The following ZSWIM7 variants were observed in gnomAD, a reference collection of about 807,000 sequenced individuals.
The protein encoded by ZSWIM7 is zinc finger SWIM domain-containing protein 7.
Under a neutral mutation model 21.1 loss-of-function variants are expected in ZSWIM7, and 22 were observed. The observed-to-expected ratio is 1.04, with a 90% confidence interval of 0.74 to 1.49. ZSWIM7 has a LOEUF of 1.49. Among genes scored for constraint, ZSWIM7 ranks in the 40% most tolerant of loss-of-function variants. The probability of loss-of-function intolerance (pLI) is 0.00; values close to 1 mark genes in which losing one functional copy is unlikely to be tolerated. For synonymous variants in ZSWIM7, 67 were observed against 66.5 expected, an observed-to-expected ratio of 1.01 and a Z score of -0.04; for missense variants, 193 against 168.0, an observed-to-expected ratio of 1.15 and a Z score of -0.82.
At chr17:15,997,792 T>A (rs1970575956) in intron 1 of ZSWIM7, among the ~76,000 whole-genome samples, 1 of 152,152 alleles carries the variant, frequency 6.6e-6, no homozygotes, top group South Asian at 2.1e-4. Context: ...CTTGTGAACC[T>A]TCTTGTTGGA....
rs1319320676 is a variant in ZSWIM7 at position 15,976,926 on chromosome 17, G to A, written c.*1121C>T. ...AAATTGATTTCATTTTCATCTTCAC[G>A]TATTATTGCTTCTTTGCTCTCTCGG... On this transcript the variant is annotated 3_prime_UTR_variant, in exon 5 of 5. Transcript: ENST00000399277. 3 of 151,738 alleles carry A rather than the reference G, an allele frequency of 2.0e-5. No individual in the cohort carries two copies. The highest frequency in any genetic ancestry group is 1.9e-4 in the East Asian group (1 of 5,162). 9.4% of individuals were successfully genotyped at this position (151,738 alleles called of 1,614,324 possible).
chr17:15,996,945 G>A (rs1273039693), intron 1 of ZSWIM7, among the ~76,000 whole-genome samples: 1 of 151,954 alleles, frequency 6.6e-6, no homozygotes, highest in South Asian at 2.1e-4. Flanking sequence ...GACCTCTTGA[G>A]CTCCAGACTT....
Position 15,981,087 on chromosome 17 carries a change from A to G in ZSWIM7, c.259T>C (p.Cys87Arg), listed in dbSNP as rs1970349549. The stretch of plus-strand genomic sequence containing the variant: ...AGCACTGAGAATGCAAATGCAGGAC[A>G]TGAACAGTAATGACAAGAAGCCAAA... The part of the protein sequence containing the change: ...TCLASCHYCS[C>R]PAFAFSVLRK... Residue 87 changes from cysteine (C) to arginine (R), a missense_variant, in exon 4 of 5, where the codon TGT (cysteine) becomes CGT (arginine). Transcript: ENST00000399277. The G allele has an allele frequency of 1.2e-6, 2 of 1,614,002 alleles. No homozygotes were observed. Among genetic ancestry groups the G allele is most frequent in the South Asian group, 1.1e-5 (1 of 91,078 alleles).
At chr17:15,978,256 G>A (rs1970303714) in intron 4 of ZSWIM7, 93 bp from the exon 5 acceptor site, 1 of 866,268 alleles carries the variant, frequency 1.2e-6, no homozygotes, top group Non-Finnish European at 1.9e-6. Context: ...TATTTGGCAG[G>A]AGAAGACTAG....
In ZSWIM7 at chr17:15,999,673, T is replaced by C; in HGVS notation, c.-79A>G. ...GACTGCGCCTACCTGTGGAGGATCCTGACCCCCCGCCGGGGCAGGGCGAGA... is the reference window on the plus strand; with the variant it reads ...GACTGCGCCTACCTGTGGAGGATCCCGACCCCCCGCCGGGGCAGGGCGAGA... On this transcript the variant is annotated 5_prime_UTR_variant, in exon 1 of 5. Transcript: ENST00000399277. The C allele has an allele frequency of 1.9e-6, 3 of 1,560,596 alleles. No individual in the cohort carries two copies. Among genetic ancestry groups the C allele is most frequent in the Non-Finnish European group, 2.6e-6 (3 of 1,153,356 alleles).
At chr17:15,999,310 T>G in intron 1 of ZSWIM7, 1 of 696,284 alleles carries the variant, frequency 1.4e-6, no homozygotes. Context: ...CCGTAAATAT[T>G]TGCTGAATCG....
At chr17:15,986,909 A>G (rs1014914313) in intron 3 of ZSWIM7, 5 of 154,956 alleles carry the variant, frequency 3.2e-5, no homozygotes, top group Non-Finnish European at 7.1e-5. Flanking sequence ...AAACCAAGAA[A>G]AAGACTGAAG....
At position 15,987,294 on chromosome 17, in the gene ZSWIM7, G is replaced by C. The variant is rs1970424535; in HGVS notation, c.173C>G (p.Ser58Ter). 1.2e-6 allele frequency: 2 copies of C among 1,613,276 alleles called. No homozygotes were observed. Reference protein sequence around the residue: ...LVDRQSITLISSPSGRRVYQV... With the variant: ...LVDRQSITLI Reference sequence around the variant, plus strand: ...GTAAACACGCCTTCCACTGGGTGATGAGATTAAGGTGATGGACTGTCGATC... The same window carrying C: ...GTAAACACGCCTTCCACTGGGTGATCAGATTAAGGTGATGGACTGTCGATC... The change falls in exon 3 of 5, where the codon TCA becomes TGA. Residue 58 changes from serine to a stop codon, truncating the protein, a stop_gained. Transcript: ENST00000399277. LOFTEE classifies it high-confidence loss of function.
chr17:15,990,864 C>T (rs1438979936), intron 2 of ZSWIM7: 1 of 152,060 alleles, frequency 6.6e-6, no homozygotes, highest in African/African-American at 2.4e-5. Flanking sequence ...TCAACAGTTA[C>T]CTTTAAGAAT....
Position 15,999,518 on chromosome 17 carries a change from C to A in ZSWIM7, c.76+1G>T. 6.3e-7 allele frequency: 1 copy of A among 1,599,962 alleles called. No homozygotes were observed. On this transcript the variant is annotated splice_donor_variant, in intron 1 of 4. Transcript: ENST00000399277. LOFTEE classifies it high-confidence loss of function. ...AGCCACACACGACCTCGGTCCCGTACTTCGCGCGCTCTCCTGCACCGCCGC... is the reference window on the plus strand; with the variant it reads ...AGCCACACACGACCTCGGTCCCGTAATTCGCGCGCTCTCCTGCACCGCCGC...
In ZSWIM7 at chr17:15,979,567, G is replaced by A. The variant is rs1406832384; in HGVS notation, c.307-1404C>T. On this transcript the variant is annotated intron_variant, in intron 4 of 4. Transcript: ENST00000399277. ...TCCTCACTTCCCAGTAGGGGTGGCC[G>A]GGCAGAGGCGCCCCTCACCTCCCGG... Among the ~76,000 whole-genome samples, 276 of 150,728 alleles carry A rather than the reference G, an allele frequency of 1.8e-3. 1 individual carries two copies. Among genetic ancestry groups the A allele is most frequent in the South Asian group, 2.1e-3 (10 of 4,760 alleles).
intron 3 of ZSWIM7, among the ~76,000 whole-genome samples, chr17:15,985,565 A>G (rs1970399722): frequency 6.6e-6 from 1 of 152,184 alleles, no homozygotes; most frequent in South Asian, 2.1e-4. Context: ...TTGAGGGTGT[A>G]TAAGATTTCT....
Position 15,999,647 on chromosome 17 carries a change from T to TGTGTGTA in ZSWIM7, c.-54_-53insTACACAC. On this transcript the variant is annotated 5_prime_UTR_variant, in exon 1 of 5. Coordinates refer to ENST00000399277, the MANE Select transcript of ZSWIM7 (RefSeq NM_001042697.2). Reference sequence around the variant, plus strand: ...CGGCGGACCGCCGCGACGCTCCAGCTGACTGCGCCTACCTGTGGAGGATCC... The same window carrying TGTGTGTA: ...CGGCGGACCGCCGCGACGCTCCAGCTGTGTGTAGACTGCGCCTACCTGTGGAGGATCC... 1 of 1,565,484 alleles carries TGTGTGTA rather than the reference T, an allele frequency of 6.4e-7. No homozygotes were observed. The highest frequency in any genetic ancestry group is 8.6e-7 in the Non-Finnish European group (1 of 1,156,250).
intron 2 of ZSWIM7, among the ~76,000 whole-genome samples, chr17:15,990,188 C>T (rs1461703256): frequency 2.8e-5 from 4 of 140,756 alleles, no homozygotes; most frequent in Non-Finnish European, 6.0e-5. Flanking sequence ...CCACTGCACT[C>T]TAGCCTGGGT....
intron 1 of ZSWIM7, 146 bp downstream of exon 1, chr17:15,999,373 C>T (rs1165051435): frequency 1.1e-5 from 12 of 1,071,534 alleles, no homozygotes; most frequent in Admixed American, 4.8e-5. Flanking sequence ...GTTTTTTTGT[C>T]TTTTTACGAA....
intron 2 of ZSWIM7, among the ~76,000 whole-genome samples, chr17:15,993,205 G>A (rs913386426): frequency 2.6e-5 from 4 of 151,298 alleles, no homozygotes; most frequent in African/African-American, 4.9e-5. Context: ...AATTATTTTC[G>A]TAGAGATGGG....
intron 3 of ZSWIM7, among the ~76,000 whole-genome samples, chr17:15,982,886 TAA>T (rs1434486311): frequency 1.3e-5 from 2 of 152,024 alleles, no homozygotes; most frequent in African/African-American, 4.8e-5. Context: ...CTGCTGGGCT[TAA>T]GTGATCCTCC....
chr17:15,991,256 T>TC (rs914713986), intron 2 of ZSWIM7, among the ~76,000 whole-genome samples: 10 of 151,738 alleles, frequency 6.6e-5, no homozygotes, highest in African/African-American at 2.4e-4. Flanking sequence ...CTCCTCAAAC[T>TC]CCATGAATTG....
At position 15,993,815 on chromosome 17, in the gene ZSWIM7, T is replaced by C. The variant is rs201727302; in HGVS notation, c.77-37A>G. Reference sequence around the variant, plus strand: ...GAATGGAAAAAAAAAGTTAATCATATTAAGCAGTGACCATTGACATAAAAA... The same window carrying C: ...GAATGGAAAAAAAAAGTTAATCATACTAAGCAGTGACCATTGACATAAAAA... On this transcript the variant is annotated intron_variant, in intron 1 of 4. Coordinates refer to ENST00000399277, the MANE Select transcript of ZSWIM7 (RefSeq NM_001042697.2). 885 of 1,459,100 alleles carry C rather than the reference T, an allele frequency of 6.1e-4. 2 individuals carry two copies. The highest frequency in any genetic ancestry group is 5.0e-3 in the Middle Eastern group (28 of 5,612). The allele number at this position is 1,459,100 out of a possible 1,614,324, so 90.4% of individuals were successfully genotyped here. A position where few individuals can be genotyped will look rare whatever the true frequency, so the allele number is the denominator to read the frequency against.
Sources: gnomAD v4.1 joint callset for allele counts (sites outside exome capture counted in the v4.1 genomes callset) on GRCh38, gnomAD v4.1.1 for gene constraint, MANE v1.5 for transcripts, NCBI Gene and HGNC (gene_info 2026-07-23, HGNC 2026-07-21) for gene names.